Variants in SRPK1 observed in about 807,000 individuals in gnomAD.
SRPK1 encodes SRSF protein kinase 1.
In SRPK1, 52 loss-of-function variants were observed where a neutral mutation model predicts 89.5. That is an observed-to-expected ratio of 0.58 (90% CI 0.46 to 0.73). The LOEUF is 0.73. SRPK1 is among the 30% of genes least tolerant of loss of function. SRPK1 has a pLI of 0.00. For missense variants in SRPK1, 603 were observed against 780.6 expected (o/e 0.77, Z 2.71); for synonymous variants, 255 against 270.2 (o/e 0.94, Z 0.55).
chr6:35,870,209 T>C, intron 10 of SRPK1, 72 bp downstream of exon 10: 1 of 1,341,422 alleles, frequency 7.5e-7, no homozygotes, highest in East Asian at 2.4e-5. Flanking sequence ...ATGAAACCAC[T>C]GTATTATATA....
intron 8 of SRPK1, among the ~76,000 whole-genome samples, chr6:35,871,809 A>G (rs1770042495): frequency 1.3e-5 from 2 of 152,282 alleles, no homozygotes; most frequent in Non-Finnish European, 1.5e-5. Context: ...TGGTACTATC[A>G]CAACTCGTGG....
chr6:35,919,979 G>T, intron 2 of SRPK1: 1 of 428,974 alleles, frequency 2.3e-6, no homozygotes, highest in South Asian at 1.7e-5. Flanking sequence ...AAAGCCCCAT[G>T]CCCTCCTCTA....
At chr6:35,892,887 C>T (rs765862607) in intron 2 of SRPK1, among the ~76,000 whole-genome samples, 3 of 152,162 alleles carry the variant, frequency 2.0e-5, no homozygotes, top group Non-Finnish European at 4.4e-5. Context: ...CATGCTATGA[C>T]TGAGCTATTT....
chr6:35,898,671 G>A (rs1367535404), intron 2 of SRPK1, among the ~76,000 whole-genome samples: 1 of 152,086 alleles, frequency 6.6e-6, no homozygotes, highest in Non-Finnish European at 1.5e-5. Context: ...GGCGGAGGTG[G>A]CAGTGAGCCG....
At chr6:35,849,042 G>A (rs1396190639) in intron 13 of SRPK1, among the ~76,000 whole-genome samples, 3 of 152,138 alleles carry the variant, frequency 2.0e-5, no homozygotes, top group Non-Finnish European at 4.4e-5. Flanking sequence ...ACAATAGTGT[G>A]AAGAGATAAC....
intron 12 of SRPK1, among the ~76,000 whole-genome samples, chr6:35,859,485 T>G (rs1769731797): frequency 6.6e-6 from 1 of 152,196 alleles, no homozygotes; most frequent in Non-Finnish European, 1.5e-5. Flanking sequence ...CTGTGCATAC[T>G]CAAGTTTCAC....
chr6:35,917,456 GATC>G (rs1771135612), intron 2 of SRPK1, among the ~76,000 whole-genome samples: 1 of 152,208 alleles, frequency 6.6e-6, no homozygotes, highest in South Asian at 2.1e-4. Flanking sequence ...GTAAAATGGA[GATC>G]ATCACCAACT....
intron 13 of SRPK1, chr6:35,856,978 C>A: frequency 6.4e-6 from 2 of 313,472 alleles, no homozygotes; most frequent in African/African-American, 2.1e-5. Context: ...TAATCAAAAC[C>A]AACAACACCT....
At chr6:35,898,885 G>A (rs1430355238) in intron 2 of SRPK1, among the ~76,000 whole-genome samples, 2 of 152,090 alleles carry the variant, frequency 1.3e-5, no homozygotes, top group Admixed American at 6.5e-5. Context: ...CACAGACACC[G>A]GGCGTGGTGG....
In SRPK1 at chr6:35,869,885, A is replaced by G; in HGVS notation, c.1008T>C (p.Ile336=). 6.4e-7 allele frequency: 1 copy of G among 1,573,860 alleles called. No individual in the cohort carries two copies. Among genetic ancestry groups the G allele is most frequent in the South Asian group, 1.2e-5 (1 of 84,720 alleles). ...TQEKLEESST[I]GQDQTLMERD... is the part of the protein sequence containing the mutation. ...GTTCCATAAGCGTTTGATCCTGGCC[A>G]ATGGTACTTGACTCTTCTAAGGAAC... Residue 336 remains isoleucine, a synonymous_variant, in exon 11 of 16, where the codon ATT becomes ATC. Coordinates refer to ENST00000373825, the MANE Select transcript of SRPK1 (RefSeq NM_003137.5).
At chr6:35,842,306 A>C (rs998869096) in intron 14 of SRPK1, among the ~76,000 whole-genome samples, 3 of 152,222 alleles carry the variant, frequency 2.0e-5, no homozygotes, top group Non-Finnish European at 4.4e-5. Context: ...TCCAGCACAC[A>C]GAAGTTTTAG....
chr6:35,900,008 A>T (rs867508137), intron 2 of SRPK1, among the ~76,000 whole-genome samples: 103 of 151,588 alleles, frequency 6.8e-4, no homozygotes, highest in African/African-American at 9.2e-4. Flanking sequence ...CGCAAAAAAA[A>T]AATAATAATA....
chr6:35,906,232 A>AT (rs536550212), intron 2 of SRPK1, among the ~76,000 whole-genome samples: 196 of 150,190 alleles, frequency 1.3e-3, no homozygotes, highest in Admixed American at 5.9e-3. Context: ...GAATTTTATT[A>AT]TTTTTTTTTT....
rs111812001 is a variant in SRPK1, at chr6:35,905,790, G to A, written c.74+14678C>T. 1.5e-3 allele frequency among the ~76,000 whole-genome samples: 224 copies of A among 152,318 alleles called. 4 individuals carry two copies. Among genetic ancestry groups the A allele is most frequent in the South Asian group, 9.7e-3 (47 of 4,828 alleles). On this transcript the variant is annotated intron_variant, in intron 2 of 15. Coordinates refer to ENST00000373825, the MANE Select transcript of SRPK1 (RefSeq NM_003137.5). ...GCTGTTGAGAACTGGGATTTTCAGC[G>A]TGGGAGAAAGAAGAGTGAAATATAA...
At chr6:35,901,927 A>G (rs1346655934) in intron 2 of SRPK1, among the ~76,000 whole-genome samples, 1 of 152,178 alleles carries the variant, frequency 6.6e-6, no homozygotes, top group Non-Finnish European at 1.5e-5. Context: ...TAACAATATA[A>G]AAATAAAAAT....
chr6:35,887,415 T>A (rs1376776991), intron 5 of SRPK1, among the ~76,000 whole-genome samples: 1 of 152,072 alleles, frequency 6.6e-6, no homozygotes, highest in Admixed American at 6.6e-5. Flanking sequence ...TCTCACTTTA[T>A]GAATAAAAAA....
At chr6:35,915,370 G>A (rs1771064910) in intron 2 of SRPK1, among the ~76,000 whole-genome samples, 1 of 137,804 alleles carries the variant, frequency 7.3e-6, no homozygotes, top group Middle Eastern at 4.6e-3. Context: ...TCACGCCACT[G>A]CACTCCAGCC....
chr6:35,842,703 C>A, intron 13 of SRPK1, 99 bp from the exon 14 acceptor site: 1 of 653,044 alleles, frequency 1.5e-6, no homozygotes, highest in Non-Finnish European at 2.4e-6. Flanking sequence ...CTCTTGTTCC[C>A]TTGGGAAAAC....
chr6:35,870,044 G>C (rs565462821), intron 10 of SRPK1, 143 bp from the exon 11 acceptor site: 6 of 1,059,268 alleles, frequency 5.7e-6, no homozygotes, highest in Admixed American at 3.0e-5. Context: ...ACCTATTTCC[G>C]GAAGGGCCAA....
Sources: gnomAD v4.1 joint callset for allele counts (sites outside exome capture counted in the v4.1 genomes callset) on GRCh38, gnomAD v4.1.1 for gene constraint, MANE v1.5 for transcripts, NCBI Gene and HGNC (gene_info 2026-07-23, HGNC 2026-07-21) for gene names.